Variants in MYBL1 observed in about 807,000 individuals in gnomAD.
MYBL1 encodes myb-related protein A.
In MYBL1, 17 loss-of-function variants were observed where a neutral mutation model predicts 96.3. The observed-to-expected ratio is 0.18, with a 90% CI of 0.12 to 0.26. MYBL1 has a LOEUF of 0.26. Among genes scored for constraint, MYBL1 ranks in the 10% least tolerant of loss-of-function variants. The pLI, the probability that MYBL1 is intolerant of heterozygous loss-of-function variation, is 1.00. For synonymous variants in MYBL1, 282 were observed against 292.7 expected, an observed-to-expected ratio of 0.96 and a Z score of 0.37; for missense variants, 701 against 882.9, an observed-to-expected ratio of 0.79 and a Z score of 2.61.
intron 3 of MYBL1, among the ~76,000 whole-genome samples, chr8:66,600,867 T>C: frequency 6.6e-6 from 1 of 152,050 alleles, no homozygotes; most frequent in East Asian, 1.9e-4. Flanking sequence ...GTATTAAGGA[T>C]ACAAATAAGA....
At chr8:66,605,514 G>A (rs772539779) in intron 1 of MYBL1, among the ~76,000 whole-genome samples, 31 of 152,294 alleles carry the variant, frequency 2.0e-4, no homozygotes, top group Middle Eastern at 3.4e-3. Flanking sequence ...AAAAGGGCAA[G>A]CCTTAATGAT....
intron 4 of MYBL1, 119 bp downstream of exon 4, chr8:66,598,931 G>C: frequency 1.9e-6 from 1 of 518,948 alleles, no homozygotes; most frequent in Admixed American, 4.4e-5. Flanking sequence ...TATGCAAGTA[G>C]CCTCCGGAGA....
intron 8 of MYBL1, among the ~76,000 whole-genome samples, chr8:66,583,709 T>C (rs1809303996): frequency 6.6e-6 from 1 of 152,006 alleles, no homozygotes; most frequent in South Asian, 2.1e-4. Flanking sequence ...ATTAGAAAAC[T>C]TACCAGAAAT....
At chr8:66,591,658 CAT>C (rs1809650656) in intron 8 of MYBL1, among the ~76,000 whole-genome samples, 1 of 151,860 alleles carries the variant, frequency 6.6e-6, no homozygotes, top group African/African-American at 2.4e-5. Context: ...TTACTGAACT[CAT>C]ATTCTAAATC....
intron 6 of MYBL1, among the ~76,000 whole-genome samples, chr8:66,594,654 G>A (rs982050941): frequency 2.0e-5 from 3 of 152,050 alleles, no homozygotes; most frequent in Admixed American, 6.6e-5. Context: ...AGAAAAATGT[G>A]AAGAAACATA....
rs919434620 is a variant in MYBL1, at chr8:66,562,980, C to T, written c.*1717G>A. The T allele has an allele frequency of 1.3e-5, 2 of 150,698 alleles. No homozygotes were observed. The highest frequency in any genetic ancestry group is 4.9e-5 in the African/African-American group (2 of 41,006). 9.3% of individuals were successfully genotyped at this position (150,698 alleles called of 1,614,324 possible). A position where few individuals can be genotyped will look rare whatever the true frequency, so the allele number is the denominator to read the frequency against. On this transcript the variant is annotated 3_prime_UTR_variant, in exon 16 of 16. Coordinates refer to ENST00000522677, the MANE Select transcript of MYBL1 (RefSeq NM_001080416.4). ...AAGTAGATTTAAATAGCTTAAAACC[C>T]TTTTAGGTCTACTGTTCAAGAGCTA...
intron 12 of MYBL1, among the ~76,000 whole-genome samples, chr8:66,570,091 G>A (rs1808668818): frequency 6.6e-6 from 1 of 152,158 alleles, no homozygotes; most frequent in Non-Finnish European, 1.5e-5. Context: ...GCAAAGAGAT[G>A]TATGAGCCTA....
intron 12 of MYBL1, among the ~76,000 whole-genome samples, chr8:66,569,905 G>T (rs1174945823): frequency 6.6e-6 from 1 of 152,088 alleles, no homozygotes; most frequent in Non-Finnish European, 1.5e-5. Flanking sequence ...AAAAGAATCG[G>T]TTTATTAAAA....
intron 9 of MYBL1, among the ~76,000 whole-genome samples, chr8:66,577,881 A>C (rs929138933): frequency 3.3e-5 from 5 of 152,224 alleles, no homozygotes; most frequent in Non-Finnish European, 7.3e-5. Flanking sequence ...CAAAACAGAG[A>C]TATAGATCAA....
rs984330446 is a variant in MYBL1, at chr8:66,576,276, T to C, written c.1201A>G (p.Asn401Asp). Residue 401 changes from asparagine to aspartate, a missense_variant, in exon 10 of 16, where the codon AAT becomes GAT. Physicochemically the swap from Asn to Asp is conservative, Grantham distance 23. Coordinates refer to ENST00000522677, the MANE Select transcript of MYBL1 (RefSeq NM_001080416.4). ...TPVKLMRIQH[N>D]EGAMECQFNV... ...AATTGGCATTCCATGGCTCCTTCAT[T>C]GTGCTGAATTCTCATTAATTTAACT... is the stretch of plus-strand genomic sequence containing the variant. 6.2e-6 allele frequency: 10 copies of C among 1,614,034 alleles called. No homozygotes were observed. Among genetic ancestry groups the C allele is most frequent in the Non-Finnish European group, 8.5e-6 (10 of 1,179,902 alleles).
At position 66,612,995 on chromosome 8, in the gene MYBL1, G is replaced by A. The variant is rs1810595401; in HGVS notation, c.-157C>T. On this transcript the variant is annotated 5_prime_UTR_variant, in exon 1 of 16. Coordinates refer to ENST00000522677, the MANE Select transcript of MYBL1 (RefSeq NM_001080416.4). ...CGCACGTCCTCGACAGGGCAGGACG[G>A]AGGGACAGCGGGGGCGGACCGCGAC... The A allele has an allele frequency of 1.2e-6, 1 of 838,906 alleles. No individual in the cohort carries two copies. The highest frequency in any genetic ancestry group is 3.2e-5 in the East Asian group (1 of 30,998). The allele number at this position is 838,906 out of a possible 1,614,324, so 52.0% of individuals were successfully genotyped here.
chr8:66,566,289 A>G, intron 14 of MYBL1, 46 bp from the exon 15 acceptor site: 1 of 1,162,652 alleles, frequency 8.6e-7, no homozygotes, highest in Non-Finnish European at 1.2e-6. Flanking sequence ...TCAAAAATGG[A>G]GACAAATGGA....
chr8:66,607,568 A>G (rs891541442), intron 1 of MYBL1, among the ~76,000 whole-genome samples: 2 of 152,162 alleles, frequency 1.3e-5, no homozygotes, highest in East Asian at 1.9e-4. Context: ...TTCCAACCCA[A>G]CCAAAACTTC....
At chr8:66,585,970 T>C (rs1458175897) in intron 8 of MYBL1, among the ~76,000 whole-genome samples, 4 of 151,242 alleles carry the variant, frequency 2.6e-5, no homozygotes, top group African/African-American at 9.7e-5. Context: ...AAAGGATTAA[T>C]ATCTAGACTA....
chr8:66,605,436 A>T (rs1263583200), intron 1 of MYBL1, among the ~76,000 whole-genome samples: 2 of 152,218 alleles, frequency 1.3e-5, no homozygotes, highest in Non-Finnish European at 2.9e-5. Context: ...GGAAGGGGCC[A>T]AAGTCAGAAC....
intron 8 of MYBL1, 141 bp downstream of exon 8, chr8:66,592,299 T>C: frequency 1.6e-6 from 1 of 610,378 alleles, no homozygotes; most frequent in Non-Finnish European, 2.8e-6. Context: ...AACCTCAAAG[T>C]TGCAAATTAA....
intron 5 of MYBL1, 142 bp from the exon 6 acceptor site, chr8:66,595,899 CT>C: frequency 1.8e-6 from 1 of 566,564 alleles, no homozygotes; most frequent in Non-Finnish European, 3.0e-6. Flanking sequence ...TTTGGAGTTT[CT>C]ACTCAGGAAG....
chr8:66,564,023 T>C lies in MYBL1; in HGVS notation c.*674A>G, dbSNP rs1808409740. ...AAAGTTCTCCTGCTCCTACATACTGTACAATACATTCAACAAAACTCTCAG... is the reference window on the plus strand; with the variant it reads ...AAAGTTCTCCTGCTCCTACATACTGCACAATACATTCAACAAAACTCTCAG... On this transcript the variant is annotated 3_prime_UTR_variant, in exon 16 of 16. Transcript: ENST00000522677. The C allele has an allele frequency of 6.6e-6, 1 of 152,470 alleles. No homozygotes were observed. The highest frequency in any genetic ancestry group is 1.5e-5 in the Non-Finnish European group (1 of 67,916). The allele number at this position is 152,470 out of a possible 1,614,324, so 9.4% of individuals were successfully genotyped here.
chr8:66,595,598 A>G lies in MYBL1; in HGVS notation c.672T>C (p.Phe224=). The change falls in exon 6 of 16, where the codon TTT becomes TTC. Residue 224 remains phenylalanine, a synonymous_variant. Coordinates refer to ENST00000522677, the MANE Select transcript of MYBL1 (RefSeq NM_001080416.4). ...AAGTATGTGCCTGAACAGGTATGTA[A>G]AACTGATTCTGGGTTTGCATATGAT... The part of the protein sequence containing the change: ...AMDHMQTQNQ[F]YIPVQIPGYQ... 1 of 1,573,668 alleles carries G rather than the reference A, an allele frequency of 6.4e-7. No homozygotes were observed. Among genetic ancestry groups the G allele is most frequent in the East Asian group, 2.3e-5 (1 of 43,308 alleles).
Sources: allele counts gnomAD v4.1 joint callset (sites outside exome capture counted in the v4.1 genomes callset), GRCh38; gene constraint gnomAD v4.1.1; transcripts MANE v1.5; gene names NCBI Gene and HGNC (gene_info 2026-07-23, HGNC 2026-07-21).